DGKB: variants seen among roughly 807,000 people sequenced by gnomAD.
DGKB encodes the protein diacylglycerol kinase beta, also known as 90 kDa diacylglycerol kinase.
A neutral mutation model predicts 114.3 loss-of-function variants in DGKB; 67 were observed. The observed-to-expected ratio is 0.59, with a 90% confidence interval of 0.48 to 0.72. The LOEUF (loss-of-function observed/expected upper bound fraction) is 0.72. Among genes scored for constraint, DGKB ranks in the 30% least tolerant of loss-of-function variants. The pLI, the probability that DGKB is intolerant of heterozygous loss-of-function variation, is 0.00. For synonymous variants in DGKB, 398 were observed against 323.1 expected, an observed-to-expected ratio of 1.23 and a Z score of -2.49; for missense variants, 907 against 975.2, an observed-to-expected ratio of 0.93 and a Z score of 0.93.
intron 23 of DGKB, among the ~76,000 whole-genome samples, chr7:14,201,712 T>G (rs1461188817): frequency 6.6e-6 from 1 of 152,020 alleles, no homozygotes. Context: ...GACATCCACA[T>G]GGAGCTCTCT....
intron 23 of DGKB, among the ~76,000 whole-genome samples, chr7:14,266,369 T>G (rs38272): frequency 0.56 from 84,907 of 151,672 alleles, 26,327 homozygotes; most frequent in East Asian, 0.99. Flanking sequence ...GCCAAATATC[T>G]CAAAAATCCA....
At chr7:14,880,093 T>G (rs1371883877) in intron 1 of DGKB, among the ~76,000 whole-genome samples, 2 of 152,056 alleles carry the variant, frequency 1.3e-5, no homozygotes, top group Non-Finnish European at 2.9e-5. Flanking sequence ...AAGTGACATT[T>G]AAAGGGAAGT....
intron 23 of DGKB, among the ~76,000 whole-genome samples, chr7:14,208,407 T>C (rs1787183418): frequency 6.6e-6 from 1 of 152,004 alleles, no homozygotes; most frequent in Non-Finnish European, 1.5e-5. Context: ...AGAAGTATAT[T>C]CTACTTAATC....
At chr7:14,717,597 T>C (rs532379022) in intron 6 of DGKB, among the ~76,000 whole-genome samples, 1 of 152,112 alleles carries the variant, frequency 6.6e-6, no homozygotes, top group Non-Finnish European at 1.5e-5. Flanking sequence ...AGAAGAAATA[T>C]TATCAAAAAG....
chr7:14,224,339 T>C (rs1358492494), intron 23 of DGKB, among the ~76,000 whole-genome samples: 1 of 152,056 alleles, frequency 6.6e-6, no homozygotes, highest in Non-Finnish European at 1.5e-5. Context: ...TCCTTTGAAA[T>C]AGTTTCTATT....
chr7:14,557,298 A>T (rs1452251119), intron 20 of DGKB, among the ~76,000 whole-genome samples: 3 of 152,192 alleles, frequency 2.0e-5, no homozygotes, highest in Non-Finnish European at 4.4e-5. Context: ...ATAAACACAG[A>T]TGATATACTT....
At chr7:14,259,768 T>A (rs547282883) in intron 23 of DGKB, among the ~76,000 whole-genome samples, 2,329 of 152,272 alleles carry the variant, frequency 0.015, 38 homozygotes, top group Middle Eastern at 0.037. Context: ...TGCGTTTGCC[T>A]TGTAACTATA....
intron 23 of DGKB, among the ~76,000 whole-genome samples, chr7:14,203,362 A>G (rs960344652): frequency 1.3e-5 from 2 of 151,950 alleles, no homozygotes; most frequent in Non-Finnish European, 2.9e-5. Flanking sequence ...AAAGATGGAT[A>G]TATATTTTGT....
At chr7:14,205,534 A>G (rs17707579) in intron 23 of DGKB, among the ~76,000 whole-genome samples, 4,812 of 152,116 alleles carry the variant, frequency 0.032, 95 homozygotes, top group Non-Finnish European at 0.046. Flanking sequence ...ATTTTTCAAC[A>G]TTTGTTAAAG....
At chr7:14,423,841 C>T (rs1827104514) in intron 21 of DGKB, among the ~76,000 whole-genome samples, 1 of 152,044 alleles carries the variant, frequency 6.6e-6, no homozygotes, top group African/African-American at 2.4e-5. Context: ...CTATTTCTCC[C>T]CTGGTCTTTT....
At chr7:14,408,656 A>T in intron 21 of DGKB, among the ~76,000 whole-genome samples, 1 of 152,248 alleles carries the variant, frequency 6.6e-6, no homozygotes, top group South Asian at 2.1e-4. Flanking sequence ...CAAATATAGT[A>T]TTTTAAATTT....
rs373693485 is a variant in DGKB, at chr7:14,527,753, GA to G, written c.1770+46458del. Among the ~76,000 whole-genome samples the G allele has an allele frequency of 4.6e-5, 7 of 152,082 alleles. No individual in the cohort carries two copies. In the East Asian group the frequency reaches 1.2e-3, roughly 25 times the overall value. On this transcript the variant is annotated intron_variant, in intron 20 of 25. Transcript: ENST00000402815. ...AATGTTTATAAAATACAACATTGTA[GA>G]ATGAAATTACATATTTTAGTAGGAA... is the stretch of plus-strand genomic sequence containing the variant.
At chr7:14,698,258 G>A (rs1284239744) in intron 7 of DGKB, 89 bp from the exon 8 acceptor site, 5 of 804,538 alleles carry the variant, frequency 6.2e-6, no homozygotes, top group Admixed American at 3.4e-5. Context: ...TGTTCAATGT[G>A]TAGCTAAAAA....
chr7:14,746,205 G>A (rs190708771), intron 4 of DGKB, among the ~76,000 whole-genome samples: 23 of 152,250 alleles, frequency 1.5e-4, no homozygotes, highest in African/African-American at 5.3e-4. Flanking sequence ...ATGGTGGCAT[G>A]TGCCTATTGT....
At chr7:14,891,570 G>A (rs1355348718) in intron 1 of DGKB, among the ~76,000 whole-genome samples, 4 of 151,474 alleles carry the variant, frequency 2.6e-5, no homozygotes, top group African/African-American at 9.7e-5. Flanking sequence ...AAGAGATAAA[G>A]AGGGACCATG....
intron 4 of DGKB, among the ~76,000 whole-genome samples, chr7:14,749,468 A>G (rs1388142614): frequency 6.6e-6 from 1 of 152,210 alleles, no homozygotes; most frequent in Non-Finnish European, 1.5e-5. Flanking sequence ...ACAATTAGAA[A>G]TATATTATTT....
chr7:14,640,589 G>A (rs542323688), intron 13 of DGKB, among the ~76,000 whole-genome samples: 4 of 152,196 alleles, frequency 2.6e-5, no homozygotes, highest in East Asian at 3.9e-4. Flanking sequence ...TGGAAAGCTC[G>A]AGAACTATCC....
At chr7:14,812,886 T>C (rs778096575) in intron 2 of DGKB, among the ~76,000 whole-genome samples, 1 of 152,200 alleles carries the variant, frequency 6.6e-6, no homozygotes, top group Non-Finnish European at 1.5e-5. Flanking sequence ...AGTTAAGTGC[T>C]TCCTCTATCT....
intron 20 of DGKB, among the ~76,000 whole-genome samples, chr7:14,528,025 T>C (rs76306307): frequency 0.037 from 5,616 of 152,188 alleles, 158 homozygotes; most frequent in Middle Eastern, 0.082. Context: ...AAAAGCATCT[T>C]TGGGTAAAGT....
Sources: allele counts gnomAD v4.1 joint callset (sites outside exome capture counted in the v4.1 genomes callset), GRCh38; gene constraint gnomAD v4.1.1; transcripts MANE v1.5; gene names NCBI Gene and HGNC (gene_info 2026-07-23, HGNC 2026-07-21).